Variants in GRIK3 observed in about 807,000 individuals in gnomAD.
GRIK3 encodes the protein glutamate receptor ionotropic, kainate 3.
Under a neutral mutation model 102.5 loss-of-function variants are expected in GRIK3, and 29 were observed. The ratio of observed to expected loss-of-function variants is 0.28; its 90% confidence interval spans 0.21 to 0.39. The LOEUF (loss-of-function observed/expected upper bound fraction) is 0.39. Among genes scored for constraint, GRIK3 ranks in the 10% least tolerant of loss-of-function variants. The pLI is 1.00. For synonymous variants in GRIK3, 511 were observed against 504.9 expected (o/e 1.01, Z -0.16); for missense variants, 908 against 1,252.4 (o/e 0.73, Z 4.15).
chr1:36,848,617 C>G (rs1640545443), intron 9 of GRIK3, among the ~76,000 whole-genome samples: 1 of 151,904 alleles, frequency 6.6e-6, no homozygotes, highest in Non-Finnish European at 1.5e-5. Context: ...TTCATTTTCT[C>G]TTTGTTATTT....
chr1:36,923,325 G>A (rs1641494028), intron 1 of GRIK3, among the ~76,000 whole-genome samples: 1 of 152,198 alleles, frequency 6.6e-6, no homozygotes, highest in Non-Finnish European at 1.5e-5. Context: ...TAGAGGGGTG[G>A]GAGGCCTAAT....
chr1:37,012,419 A>G (rs1466074268), intron 1 of GRIK3, among the ~76,000 whole-genome samples: 4 of 152,210 alleles, frequency 2.6e-5, no homozygotes. Flanking sequence ...AAGATGGGCC[A>G]ATCTTCCAGA....
At chr1:36,935,308 T>A (rs1641642461) in intron 1 of GRIK3, among the ~76,000 whole-genome samples, 1 of 152,136 alleles carries the variant, frequency 6.6e-6, no homozygotes, top group Non-Finnish European at 1.5e-5. Context: ...AACATCTGGG[T>A]CCCTGGATAT....
intron 2 of GRIK3, among the ~76,000 whole-genome samples, chr1:36,886,107 T>A (rs1205674921): frequency 6.6e-6 from 1 of 152,186 alleles, no homozygotes; most frequent in Non-Finnish European, 1.5e-5. Context: ...CCTCTGGCGC[T>A]GCCTGGAAGT....
chr1:36,983,394 C>T (rs1642270359), intron 1 of GRIK3, among the ~76,000 whole-genome samples: 1 of 152,182 alleles, frequency 6.6e-6, no homozygotes, highest in African/African-American at 2.4e-5. Context: ...CACACTCCCA[C>T]ATGCATGCAT....
At position 36,998,634 on chromosome 1, in the gene GRIK3, C is replaced by T. The variant is rs147236037; in HGVS notation, c.115+35360G>A. Among the ~76,000 whole-genome samples the T allele has an allele frequency of 1.8e-3, 277 of 152,326 alleles. 1 individual carries two copies. The highest frequency in any genetic ancestry group is 5.9e-3 in the African/African-American group (246 of 41,574). ...AGCACATCATCTCACCTGAGCCTCC[C>T]GATGGGTTTGTGCCATGGGGTTATC... On this transcript the variant is annotated intron_variant, in intron 1 of 15. Coordinates refer to ENST00000373091, the MANE Select transcript of GRIK3 (RefSeq NM_000831.4).
intron 10 of GRIK3, among the ~76,000 whole-genome samples, chr1:36,833,217 C>G (rs1252954760): frequency 6.6e-6 from 1 of 152,192 alleles, no homozygotes; most frequent in Non-Finnish European, 1.5e-5. Context: ...GGCGTCGGGT[C>G]TCCTGCACTA....
intron 1 of GRIK3, among the ~76,000 whole-genome samples, chr1:36,966,103 G>C (rs1642075037): frequency 6.6e-6 from 1 of 152,210 alleles, no homozygotes; most frequent in African/African-American, 2.4e-5. Flanking sequence ...AAGAGACAGG[G>C]GTATAGGACA....
intron 8 of GRIK3, among the ~76,000 whole-genome samples, chr1:36,852,621 G>A (rs908895150): frequency 1.3e-5 from 2 of 152,160 alleles, no homozygotes; most frequent in Admixed American, 6.5e-5. Flanking sequence ...GAACCAGGGC[G>A]GCATGTTAAA....
At chr1:37,000,863 G>A (rs1003206989) in intron 1 of GRIK3, among the ~76,000 whole-genome samples, 1 of 152,166 alleles carries the variant, frequency 6.6e-6, no homozygotes, top group Non-Finnish European at 1.5e-5. Context: ...TCCTTTCTCA[G>A]GTCAGAAAGC....
intron 13 of GRIK3, among the ~76,000 whole-genome samples, chr1:36,814,542 A>T (rs1642602409): frequency 7.5e-6 from 1 of 134,136 alleles, no homozygotes; most frequent in East Asian, 2.7e-4. Context: ...ACACATATGC[A>T]TGCATGGGCC....
At chr1:36,848,682 T>A (rs1317017774) in intron 9 of GRIK3, among the ~76,000 whole-genome samples, 1 of 152,152 alleles carries the variant, frequency 6.6e-6, no homozygotes, top group Non-Finnish European at 1.5e-5. Flanking sequence ...TCTTTTCTAT[T>A]TTTATCCACA....
At chr1:37,023,217 C>A (rs1310175922) in intron 1 of GRIK3, among the ~76,000 whole-genome samples, 1 of 151,694 alleles carries the variant, frequency 6.6e-6, no homozygotes, top group African/African-American at 2.4e-5. Context: ...GTCCCAGCTA[C>A]TTGGGAGGCT....
intron 12 of GRIK3, among the ~76,000 whole-genome samples, chr1:36,817,943 T>C (rs1434247433): frequency 6.6e-6 from 1 of 152,236 alleles, no homozygotes; most frequent in Non-Finnish European, 1.5e-5. Context: ...TTTGAAGCTC[T>C]TTGCCGAAAT....
At chr1:36,822,664 G>C (rs1038350750) in intron 11 of GRIK3, among the ~76,000 whole-genome samples, 2 of 152,136 alleles carry the variant, frequency 1.3e-5, no homozygotes, top group Non-Finnish European at 2.9e-5. Flanking sequence ...GGAGTGTGGA[G>C]GAGGAGACAG....
At chr1:36,877,284 A>G (rs772744395) in intron 3 of GRIK3, among the ~76,000 whole-genome samples, 18 of 152,266 alleles carry the variant, frequency 1.2e-4, no homozygotes, top group Non-Finnish European at 2.1e-4. Context: ...CATTCCAGTT[A>G]CATGTCTTCA....
At chr1:36,909,014 C>T (rs900451467) in intron 1 of GRIK3, among the ~76,000 whole-genome samples, 3 of 152,176 alleles carry the variant, frequency 2.0e-5, no homozygotes, top group Non-Finnish European at 4.4e-5. Context: ...TCATGAGAAC[C>T]TCTACAACCC....
Position 37,034,125 on chromosome 1 carries a change from G to A in GRIK3, c.-17C>T. ...AGCGGTCATCGTTGGGCGCCGCCGA[G>A]CGTGCCCGGGGCGCGGCCGTGGCGG... is the stretch of plus-strand genomic sequence containing the variant. On this transcript the variant is annotated 5_prime_UTR_variant, in exon 1 of 16. Transcript: ENST00000373091. The A allele has an allele frequency of 7.1e-7, 1 of 1,417,196 alleles. No individual in the cohort carries two copies. 87.8% of individuals were successfully genotyped at this position (1,417,196 alleles called of 1,614,324 possible).
chr1:37,015,518 C>A (rs114676061), intron 1 of GRIK3, among the ~76,000 whole-genome samples: 1 of 152,146 alleles, frequency 6.6e-6, no homozygotes, highest in South Asian at 2.1e-4. Context: ...GGCTGGGGAG[C>A]CAGTGCTTTG....
Sources: allele counts gnomAD v4.1 joint callset (sites outside exome capture counted in the v4.1 genomes callset), GRCh38; gene constraint gnomAD v4.1.1; transcripts MANE v1.5; gene names NCBI Gene and HGNC (gene_info 2026-07-23, HGNC 2026-07-21).